Variants in NTM observed in about 807,000 individuals in gnomAD.
The protein encoded by NTM is neurotrimin, also known as IgLON family member 2.
A neutral mutation model predicts 42.1 loss-of-function variants in NTM; 13 were observed. The observed-to-expected ratio is 0.31, with a 90% CI of 0.20 to 0.49. The LOEUF (loss-of-function observed/expected upper bound fraction) is 0.49. NTM is among the 20% of genes least tolerant of loss of function. The pLI, the probability that NTM is intolerant of heterozygous loss-of-function variation, is 0.99. For missense variants in NTM, 373 were observed against 452.8 expected (o/e 0.82, Z 1.60); for synonymous variants, 187 against 179.2 (o/e 1.04, Z -0.35).
intron 1 of NTM, among the ~76,000 whole-genome samples, chr11:131,683,398 C>A (rs1341401523): frequency 6.6e-6 from 1 of 152,206 alleles, no homozygotes; most frequent in Non-Finnish European, 1.5e-5. Flanking sequence ...CCCTCCAGCT[C>A]TGGTACCTAA....
intron 4 of NTM, among the ~76,000 whole-genome samples, chr11:132,264,248 C>A (rs907866534): frequency 6.6e-6 from 1 of 152,110 alleles, no homozygotes; most frequent in African/African-American, 2.4e-5. Flanking sequence ...ACTAGGGAAG[C>A]TATTGTGCAT....
At chr11:132,113,985 A>G (rs1187514946) in intron 2 of NTM, among the ~76,000 whole-genome samples, 1 of 151,952 alleles carries the variant, frequency 6.6e-6, no homozygotes, top group Non-Finnish European at 1.5e-5. Flanking sequence ...GTTTCTTTTC[A>G]TGTCATTCTT....
chr11:131,464,394 G>A (rs1457481643), intron 1 of NTM, among the ~76,000 whole-genome samples: 1 of 151,948 alleles, frequency 6.6e-6, no homozygotes, highest in Non-Finnish European at 1.5e-5. Flanking sequence ...AGGGGGCCCC[G>A]TCATACATTC....
chr11:131,435,898 A>G (rs540802787), intron 1 of NTM, among the ~76,000 whole-genome samples: 1 of 152,338 alleles, frequency 6.6e-6, no homozygotes, highest in Non-Finnish European at 1.5e-5. Flanking sequence ...GTTTTTGCCC[A>G]TTCAGTATGA....
intron 1 of NTM, among the ~76,000 whole-genome samples, chr11:131,489,032 A>G (rs1954486880): frequency 6.6e-6 from 1 of 152,224 alleles, no homozygotes; most frequent in South Asian, 2.1e-4. Flanking sequence ...TTCTGTGATT[A>G]GCATCAAGCT....
intron 2 of NTM, among the ~76,000 whole-genome samples, chr11:131,936,030 A>C (rs1007122988): frequency 1.1e-4 from 16 of 151,158 alleles, no homozygotes; most frequent in African/African-American, 4.0e-4. Flanking sequence ...TATGCATAAA[A>C]ATGGATTCTT....
chr11:131,450,427 C>T (rs1950393367), intron 1 of NTM, among the ~76,000 whole-genome samples: 1 of 152,160 alleles, frequency 6.6e-6, no homozygotes. Flanking sequence ...TCCCTGAGCC[C>T]ATTCCGCCTG....
chr11:132,210,000 C>G (rs2082588708), intron 3 of NTM, among the ~76,000 whole-genome samples: 1 of 152,142 alleles, frequency 6.6e-6, no homozygotes, highest in South Asian at 2.1e-4. Context: ...TCCAACACAA[C>G]TAGGAATGAG....
intron 1 of NTM, chr11:131,911,363 C>A: frequency 1.3e-6 from 2 of 1,537,158 alleles, no homozygotes; most frequent in South Asian, 1.2e-5. Context: ...GCCTCCCGGT[C>A]GCCGCGGGTT....
intron 2 of NTM, among the ~76,000 whole-genome samples, chr11:132,083,672 G>A (rs984734725): frequency 6.6e-6 from 1 of 152,234 alleles, no homozygotes; most frequent in African/African-American, 2.4e-5. Flanking sequence ...TATTGGCTCT[G>A]CAAGTTGAGC....
chr11:132,180,486 A>G (rs1199393787), intron 3 of NTM, among the ~76,000 whole-genome samples: 1 of 152,224 alleles, frequency 6.6e-6, no homozygotes, highest in Non-Finnish European at 1.5e-5. Flanking sequence ...TTTTTATACA[A>G]CTGAATGGCT....
At chr11:131,658,996 C>T (rs1165067039) in intron 1 of NTM, among the ~76,000 whole-genome samples, 1 of 152,100 alleles carries the variant, frequency 6.6e-6, no homozygotes, top group East Asian at 1.9e-4. Context: ...GATGTAAGCA[C>T]TGAGAAGGCA....
chr11:132,018,376 C>T (rs1309665789), intron 2 of NTM, among the ~76,000 whole-genome samples: 1 of 151,848 alleles, frequency 6.6e-6, no homozygotes, highest in Non-Finnish European at 1.5e-5. Flanking sequence ...TTCTAAGGTA[C>T]CTTTTGTAGG....
intron 1 of NTM, among the ~76,000 whole-genome samples, chr11:131,665,194 G>A (rs1360542011): frequency 6.6e-6 from 1 of 152,164 alleles, no homozygotes; most frequent in Non-Finnish European, 1.5e-5. Flanking sequence ...CCTCATCTCT[G>A]GAGTGAGTTA....
intron 1 of NTM, among the ~76,000 whole-genome samples, chr11:131,542,588 A>G (rs1025986088): frequency 2.0e-5 from 3 of 152,094 alleles, no homozygotes; most frequent in Admixed American, 2.0e-4. Context: ...TCCTTTCCTC[A>G]AATTCCCAGC....
intron 2 of NTM, among the ~76,000 whole-genome samples, chr11:131,940,297 G>A (rs1056139692): frequency 6.6e-6 from 1 of 152,146 alleles, no homozygotes; most frequent in Non-Finnish European, 1.5e-5. Context: ...ATAATACAAT[G>A]GAATCACCAC....
intron 1 of NTM, among the ~76,000 whole-genome samples, chr11:131,797,467 G>A (rs1423089070): frequency 4.6e-5 from 7 of 152,250 alleles, no homozygotes; most frequent in South Asian, 4.2e-4. Flanking sequence ...TGTTTATTCC[G>A]GATAGAATCG....
At chr11:131,949,459 T>TA (rs1382835181) in intron 2 of NTM, among the ~76,000 whole-genome samples, 2 of 152,246 alleles carry the variant, frequency 1.3e-5, no homozygotes, top group African/African-American at 4.8e-5. Flanking sequence ...ACCTAGACTC[T>TA]AATCCCAGTA....
chr11:131,885,561 C>T (rs540211932), intron 1 of NTM, among the ~76,000 whole-genome samples: 32 of 152,322 alleles, frequency 2.1e-4, no homozygotes, highest in African/African-American at 7.2e-4. Context: ...GCAGAAACTG[C>T]AAGAGCAAGG....
Sources: allele counts gnomAD v4.1 joint callset (sites outside exome capture counted in the v4.1 genomes callset), GRCh38; gene constraint gnomAD v4.1.1; transcripts MANE v1.5; gene names NCBI Gene and HGNC (gene_info 2026-07-23, HGNC 2026-07-21).